PGM5: variants seen among roughly 807,000 people sequenced by gnomAD.
PGM5 encodes the protein phosphoglucomutase-like protein 5.
In PGM5, 23 loss-of-function variants were observed where a neutral mutation model predicts 59.2. The observed-to-expected ratio is 0.39, with a 90% CI of 0.28 to 0.55. The LOEUF (loss-of-function observed/expected upper bound fraction) is 0.55, where lower values mean the gene tolerates loss of function less well. Ranked by LOEUF, PGM5 falls within the 20% of genes least tolerant of loss-of-function variation. The pLI, the probability that PGM5 is intolerant of heterozygous loss-of-function variation, is 0.66. For synonymous variants in PGM5, 214 were observed against 286.0 expected (o/e 0.75, Z 2.54); for missense variants, 574 against 748.3 (o/e 0.77, Z 2.72).
chr9:68,418,735 C>T (rs546841161), intron 6 of PGM5, among the ~76,000 whole-genome samples: 119 of 151,922 alleles, frequency 7.8e-4, no homozygotes, highest in African/African-American at 2.7e-3. Flanking sequence ...CTGGCTGCGG[C>T]GGGGGTGGGA....
chr9:68,440,484 C>T (rs1417931507), intron 6 of PGM5, among the ~76,000 whole-genome samples: 1 of 152,042 alleles, frequency 6.6e-6, no homozygotes, highest in Non-Finnish European at 1.5e-5. Context: ...TCTAAATAAT[C>T]CATCAAAGAA....
chr9:68,418,319 T>C (rs782013137), intron 6 of PGM5, among the ~76,000 whole-genome samples: 8 of 152,150 alleles, frequency 5.3e-5, no homozygotes, highest in Non-Finnish European at 1.2e-4. Flanking sequence ...ATTAGCCCCA[T>C]GGGGTTTCTG....
chr9:68,411,414 C>CATACATGTGTGTATATATATACACAT (rs1822928279), intron 6 of PGM5, among the ~76,000 whole-genome samples: 4 of 134,860 alleles, frequency 3.0e-5, no homozygotes, highest in African/African-American at 8.2e-5. Flanking sequence ...TATATACACA[C>CATACATGTGTGTATATATATACACAT]ATACATGTGT....
At chr9:68,461,605 T>C (rs375912486) in intron 6 of PGM5, among the ~76,000 whole-genome samples, 12 of 152,124 alleles carry the variant, frequency 7.9e-5, no homozygotes, top group African/African-American at 2.4e-4. Context: ...ATTAAGACCC[T>C]TATAAAAAAA....
chr9:68,476,204 G>T (rs1824101036), intron 7 of PGM5, among the ~76,000 whole-genome samples: 1 of 152,076 alleles, frequency 6.6e-6, no homozygotes, highest in Non-Finnish European at 1.5e-5. Context: ...AACCTGACAG[G>T]CCCCAGATGG....
At chr9:68,515,275 T>G (rs1254913379) in intron 10 of PGM5, among the ~76,000 whole-genome samples, 6 of 152,216 alleles carry the variant, frequency 3.9e-5, no homozygotes, top group African/African-American at 1.4e-4. Context: ...GTCTTTCTAT[T>G]GTGGGGAAGA....
Position 68,529,855 on chromosome 9 carries a change from A to G in PGM5, c.*199A>G. On this transcript the variant is annotated 3_prime_UTR_variant, in exon 11 of 11. Transcript: ENST00000396396. Reference sequence around the variant, plus strand: ...TTTGTCCTATTCCTCCAAATGCAGCAGGGCCTTTAGTTGTCTGTTAAAGCT... The same window carrying G: ...TTTGTCCTATTCCTCCAAATGCAGCGGGGCCTTTAGTTGTCTGTTAAAGCT... The G allele has an allele frequency of 2.0e-6, 1 of 492,548 alleles. No homozygotes were observed. Among genetic ancestry groups the G allele is most frequent in the Non-Finnish European group, 3.6e-6 (1 of 280,182 alleles). The allele number at this position is 492,548 out of a possible 1,614,324, so 30.5% of individuals were successfully genotyped here.
chr9:68,507,121 C>T (rs953434244), intron 10 of PGM5, among the ~76,000 whole-genome samples: 15 of 152,136 alleles, frequency 9.9e-5, no homozygotes, highest in Admixed American at 2.0e-4. Flanking sequence ...TTTTTCTCCT[C>T]AGAATTTGGT....
intron 6 of PGM5, among the ~76,000 whole-genome samples, chr9:68,458,391 C>T (rs1405708817): frequency 6.6e-6 from 1 of 152,142 alleles, no homozygotes; most frequent in Non-Finnish European, 1.5e-5. Context: ...GGTTGGGGTC[C>T]ACCTTTATTT....
At chr9:68,442,793 C>T (rs1823549281) in intron 6 of PGM5, among the ~76,000 whole-genome samples, 1 of 152,162 alleles carries the variant, frequency 6.6e-6, no homozygotes, top group African/African-American at 2.4e-5. Flanking sequence ...CAAATAAGAA[C>T]ACGAAAATGT....
At chr9:68,426,506 C>T (rs554822493) in intron 6 of PGM5, among the ~76,000 whole-genome samples, 214 of 152,154 alleles carry the variant, frequency 1.4e-3, no homozygotes, top group Non-Finnish European at 2.3e-3. Context: ...ATTTACTAGC[C>T]CTTTCCCTAT....
chr9:68,516,246 C>T (rs552778923), intron 10 of PGM5, among the ~76,000 whole-genome samples: 1 of 152,336 alleles, frequency 6.6e-6, no homozygotes, highest in South Asian at 2.1e-4. Flanking sequence ...AGTAGACCAG[C>T]ATTCCCATCT....
At chr9:68,472,517 C>T (rs1702929268) in intron 7 of PGM5, among the ~76,000 whole-genome samples, 2 of 152,202 alleles carry the variant, frequency 1.3e-5, no homozygotes, top group African/African-American at 4.8e-5. Context: ...TCAATTTCCT[C>T]ATTGCGAGAC....
chr9:68,391,510 A>T (rs1365495766), intron 4 of PGM5, 24 bp from the exon 5 acceptor site: 7 of 1,611,840 alleles, frequency 4.3e-6, no homozygotes, highest in African/African-American at 1.3e-5. Context: ...CAAATATTTA[A>T]TATTGCTGTG....
chr9:68,434,973 T>C (rs1334752732), intron 6 of PGM5, among the ~76,000 whole-genome samples: 1 of 152,198 alleles, frequency 6.6e-6, no homozygotes, highest in Non-Finnish European at 1.5e-5. Context: ...GCATCCTAAG[T>C]GGGAGAGAAA....
chr9:68,439,007 A>G (rs1823484593), intron 6 of PGM5, among the ~76,000 whole-genome samples: 1 of 152,170 alleles, frequency 6.6e-6, no homozygotes. Context: ...CCAACAGACT[A>G]GGGAGAAACA....
chr9:68,372,649 A>G (rs191972712), intron 1 of PGM5, among the ~76,000 whole-genome samples: 72 of 148,972 alleles, frequency 4.8e-4, no homozygotes, highest in Non-Finnish European at 7.1e-4. Flanking sequence ...GCATTGCTAT[A>G]AAGAAATACC....
intron 6 of PGM5, among the ~76,000 whole-genome samples, chr9:68,407,334 C>A (rs2480129): frequency 2.0e-5 from 3 of 151,830 alleles, no homozygotes; most frequent in Admixed American, 2.0e-4. Flanking sequence ...GGTCTCACTA[C>A]GCTGCCTAGG....
chr9:68,386,617 A>T (rs1427219902), intron 3 of PGM5, among the ~76,000 whole-genome samples: 4 of 152,120 alleles, frequency 2.6e-5, no homozygotes, highest in African/African-American at 9.7e-5. Flanking sequence ...GAAAAATCTG[A>T]AAACAATATA....
Sources: gnomAD v4.1 joint callset for allele counts (sites outside exome capture counted in the v4.1 genomes callset) on GRCh38, gnomAD v4.1.1 for gene constraint, MANE v1.5 for transcripts, NCBI Gene and HGNC (gene_info 2026-07-23, HGNC 2026-07-21) for gene names.